The following RANBP9 variants were observed in gnomAD, a reference collection of about 807,000 sequenced individuals.
The protein encoded by RANBP9 is ran-binding protein 9.
A neutral mutation model predicts 84.3 loss-of-function variants in RANBP9; 15 were observed. That is an observed-to-expected ratio of 0.18 (90% CI 0.12 to 0.27). RANBP9 has a LOEUF of 0.27. RANBP9 is among the 10% of genes least tolerant of loss of function. RANBP9 has a pLI of 1.00. For missense variants in RANBP9, 809 were observed against 912.8 expected (o/e 0.89, Z 1.46); for synonymous variants, 392 against 349.6 (o/e 1.12, Z -1.35).
intron 12 of RANBP9, among the ~76,000 whole-genome samples, chr6:13,626,905 A>G (rs1368165533): frequency 1.3e-5 from 2 of 152,200 alleles, no homozygotes; most frequent in African/African-American, 2.4e-5. Context: ...TTCTCATCCA[A>G]ATAAGCCTCT....
rs774253321 is a variant in RANBP9 at position 13,639,636 on chromosome 6, T to C, written c.1452A>G (p.Pro484=). The change falls in exon 9 of 14, where the codon CCA becomes CCG. Residue 484 remains proline (P), a synonymous_variant. Coordinates refer to ENST00000011619, the MANE Select transcript of RANBP9 (RefSeq NM_005493.3). ...TCATTCCATGGCTGGGGCTCATACT[T>C]GGACTACTAAAAGGTCGAGGACTAA... The part of the protein sequence containing the change: ...YPVSPRPFSS[P]SMSPSHGMNI... 2 of 1,613,280 alleles carry C rather than the reference T, an allele frequency of 1.2e-6. No individual in the cohort carries two copies. Among genetic ancestry groups the C allele is most frequent in the Non-Finnish European group, 8.5e-7 (1 of 1,179,198 alleles).
intron 2 of RANBP9, among the ~76,000 whole-genome samples, chr6:13,690,810 C>T (rs984307006): frequency 6.6e-6 from 1 of 152,090 alleles, no homozygotes; most frequent in Non-Finnish European, 1.5e-5. Flanking sequence ...TTCATCTCAA[C>T]GGTCAATGAT....
chr6:13,707,837 C>T lies in RANBP9; in HGVS notation c.571+3098G>A, dbSNP rs77818716. 6.9e-3 allele frequency among the ~76,000 whole-genome samples: 1,044 copies of T among 152,196 alleles called. 14 individuals are homozygous for T. Among genetic ancestry groups the T allele is most frequent in the African/African-American group, 0.024 (980 of 41,514 alleles). On this transcript the variant is annotated intron_variant, in intron 1 of 13. Transcript: ENST00000011619. ...GTCATATTTATTAAAATTATTTTCCCGTTATCATTATAACTAAGTCTAAAC... is the reference window on the plus strand; with the variant it reads ...GTCATATTTATTAAAATTATTTTCCTGTTATCATTATAACTAAGTCTAAAC...
In RANBP9 at chr6:13,710,995, G is replaced by A; in HGVS notation, c.511C>T (p.Pro171Ser). ...CCGATGTAGCTGAACTTGTCCTTCG[G>A]GCTCCAGGACCGAGGCAGCGGCGTC... is the stretch of plus-strand genomic sequence containing the variant. ...QETPLPRSWS[P>S]KDKFSYIGLS... Residue 171 changes from proline (P) to serine (S), a missense_variant, in exon 1 of 14, where the codon CCG (proline) becomes TCG (serine). This residue lies in a region of RANBP9 where 302 missense variants were observed against 240.1 expected (regional missense o/e 1.26). Coordinates refer to ENST00000011619, the MANE Select transcript of RANBP9 (RefSeq NM_005493.3). The A allele has an allele frequency of 2.5e-6, 4 of 1,609,564 alleles. No homozygotes were observed. The highest frequency in any genetic ancestry group is 3.4e-6 in the Non-Finnish European group (4 of 1,178,246).
chr6:13,681,023 G>C (rs905827017), intron 2 of RANBP9, among the ~76,000 whole-genome samples: 1 of 152,114 alleles, frequency 6.6e-6, no homozygotes. Flanking sequence ...TAACAGTATA[G>C]TGTATGCAAA....
At chr6:13,649,288 T>C (rs929178876) in intron 5 of RANBP9, among the ~76,000 whole-genome samples, 3 of 152,086 alleles carry the variant, frequency 2.0e-5, no homozygotes, top group Non-Finnish European at 2.9e-5. Flanking sequence ...CACATGATCA[T>C]TGGCTACCTG....
intron 2 of RANBP9, among the ~76,000 whole-genome samples, chr6:13,661,285 G>A (rs1765533620): frequency 6.6e-6 from 1 of 152,178 alleles, no homozygotes; most frequent in Non-Finnish European, 1.5e-5. Context: ...GCTGAAGCAA[G>A]AACCCGGAAA....
chr6:13,652,086 A>G (rs1765311088), intron 5 of RANBP9, among the ~76,000 whole-genome samples: 2 of 152,316 alleles, frequency 1.3e-5, no homozygotes, highest in African/African-American at 4.8e-5. Flanking sequence ...AGCAAAGGGG[A>G]GCAACTTGTA....
intron 12 of RANBP9, among the ~76,000 whole-genome samples, chr6:13,630,928 G>A (rs1191446769): frequency 6.6e-6 from 1 of 151,848 alleles, no homozygotes; most frequent in African/African-American, 2.4e-5. Flanking sequence ...TCCTGCCTCA[G>A]CCTCCTGAGT....
At chr6:13,677,756 T>C (rs929094358) in intron 2 of RANBP9, among the ~76,000 whole-genome samples, 8 of 152,126 alleles carry the variant, frequency 5.3e-5, no homozygotes, top group Non-Finnish European at 1.0e-4. Flanking sequence ...TGAAATAATA[T>C]TAAAAGTGAT....
intron 2 of RANBP9, among the ~76,000 whole-genome samples, chr6:13,695,344 AAAGTT>A (rs1170594613): frequency 6.6e-6 from 1 of 152,072 alleles, no homozygotes; most frequent in African/African-American, 2.4e-5. Context: ...GATGAACAGA[AAAGTT>A]AAAAGCAGGA....
chr6:13,710,925 C>T lies in RANBP9; in HGVS notation c.571+10G>A. The stretch of plus-strand genomic sequence containing the variant: ...TGCCCCACTCCCACCGCAGGACACA[C>T]GCCCAGTACCTTTGTAGTGCACCCG... On this transcript the variant is annotated intron_variant, in intron 1 of 13. Coordinates refer to ENST00000011619, the MANE Select transcript of RANBP9 (RefSeq NM_005493.3). 1.3e-6 allele frequency: 2 copies of T among 1,596,900 alleles called. No individual in the cohort carries two copies. The highest frequency in any genetic ancestry group is 8.5e-7 in the Non-Finnish European group (1 of 1,172,572).
intron 6 of RANBP9, among the ~76,000 whole-genome samples, chr6:13,643,682 T>G (rs1765117715): frequency 2.0e-5 from 3 of 152,126 alleles, no homozygotes; most frequent in South Asian, 4.1e-4. Flanking sequence ...TACTCAGTGG[T>G]AACCATTTTC....
At position 13,657,250 on chromosome 6, in the gene RANBP9, G is replaced by A. The variant is rs1280330633; in HGVS notation, c.763C>T (p.His255Tyr). Reference protein sequence around the residue: ...PGWDKHSYGYHGDDGHSFCSS... With the variant: ...PGWDKHSYGYYGDDGHSFCSS... ...CAAAACGAATGTCCATCATCCCCATGGTAACCATATGAATGCTTATCCCAA... is the reference window on the plus strand; with the variant it reads ...CAAAACGAATGTCCATCATCCCCATAGTAACCATATGAATGCTTATCCCAA... The change falls in exon 4 of 14, where the codon CAT becomes TAT. Residue 255 changes from histidine to tyrosine, a missense_variant. By Grantham distance (83) the His-to-Tyr change is moderately conservative. Around this residue, in one of 5 missense-constraint regions of RANBP9, gnomAD observed 2 missense variants for 21.0 expected, o/e 0.10. Transcript: ENST00000011619. 6.2e-7 allele frequency: 1 copy of A among 1,612,640 alleles called. No homozygotes were observed. Among genetic ancestry groups the A allele is most frequent in the Non-Finnish European group, 8.5e-7 (1 of 1,179,304 alleles).
chr6:13,683,757 T>C (rs940777248), intron 2 of RANBP9, among the ~76,000 whole-genome samples: 2 of 151,880 alleles, frequency 1.3e-5, no homozygotes, highest in African/African-American at 4.8e-5. Context: ...TACCTTGTAA[T>C]TGGAAAAAAA....
At chr6:13,638,335 G>A (rs1764987773) in intron 9 of RANBP9, among the ~76,000 whole-genome samples, 1 of 152,146 alleles carries the variant, frequency 6.6e-6, no homozygotes, top group Non-Finnish European at 1.5e-5. Flanking sequence ...CACACTTGTT[G>A]TACAGAGTGG....
rs547559256 is a variant in RANBP9, at chr6:13,700,925, T to C, written c.572-4029A>G. Among the ~76,000 whole-genome samples the C allele has an allele frequency of 1.9e-4, 29 of 152,332 alleles. No homozygotes were observed. The South Asian group carries it at 6.0e-3, about 32-fold the overall frequency. ...TAGTTTGCATAAGTCCTGTTACTTTTAGCGCATTGATTTTGTGGAAAACAT... is the reference window on the plus strand; with the variant it reads ...TAGTTTGCATAAGTCCTGTTACTTTCAGCGCATTGATTTTGTGGAAAACAT... On this transcript the variant is annotated intron_variant, in intron 1 of 13. Coordinates refer to ENST00000011619, the MANE Select transcript of RANBP9 (RefSeq NM_005493.3).
At chr6:13,671,797 TA>T (rs1222072555) in intron 2 of RANBP9, among the ~76,000 whole-genome samples, 1 of 151,896 alleles carries the variant, frequency 6.6e-6, no homozygotes, top group Non-Finnish European at 1.5e-5. Context: ...CAACTCTCAT[TA>T]AAAAAATAAA....
At chr6:13,703,238 C>T (rs937821840) in intron 1 of RANBP9, among the ~76,000 whole-genome samples, 3 of 152,190 alleles carry the variant, frequency 2.0e-5, no homozygotes, top group Non-Finnish European at 4.4e-5. Context: ...TTCTTTTGTG[C>T]TCCCTCTAGT....
Sources: gnomAD v4.1 joint callset for allele counts (sites outside exome capture counted in the v4.1 genomes callset) on GRCh38, gnomAD v4.1.1 for gene constraint, gnomAD v4.1.1 regional missense constraint, MANE v1.5 for transcripts, NCBI Gene and HGNC (gene_info 2026-07-23, HGNC 2026-07-21) for gene names.